The following TAF1B variants were observed in gnomAD, a reference collection of about 807,000 sequenced individuals.
TAF1B encodes the protein TATA box-binding protein-associated factor RNA polymerase I subunit B.
Under a neutral mutation model 83.9 loss-of-function variants are expected in TAF1B, and 61 were observed. The ratio of observed to expected loss-of-function variants is 0.73; its 90% CI spans 0.59 to 0.90. TAF1B has a LOEUF of 0.90. Ranked by LOEUF, TAF1B falls within the 40% of genes least tolerant of loss-of-function variation. The pLI is 0.00. For synonymous variants in TAF1B, 221 were observed against 224.6 expected, an observed-to-expected ratio of 0.98 and a Z score of 0.14; for missense variants, 625 against 677.0, an observed-to-expected ratio of 0.92 and a Z score of 0.85.
chr2:9,863,708 C>T (rs1663858754), intron 5 of TAF1B, among the ~76,000 whole-genome samples: 2 of 152,198 alleles, frequency 1.3e-5, no homozygotes, highest in Admixed American at 6.5e-5. Flanking sequence ...TAAAGCACTC[C>T]TTAGCAAATG....
intron 6 of TAF1B, chr2:9,868,876 A>G (rs554697250): frequency 7.9e-4 from 271 of 344,204 alleles, no homozygotes; most frequent in Non-Finnish European, 1.2e-3. Context: ...TTACTTTCTG[A>G]TATAATTCCA....
At chr2:9,851,690 C>A in intron 4 of TAF1B, 52 bp downstream of exon 4, 1 of 1,416,594 alleles carries the variant, frequency 7.1e-7, no homozygotes, top group Admixed American at 1.9e-5. Context: ...GTTTAAAGAA[C>A]AGTAAGACTT....
At chr2:9,850,753 C>T (rs1663359192) in intron 3 of TAF1B, among the ~76,000 whole-genome samples, 1 of 152,156 alleles carries the variant, frequency 6.6e-6, no homozygotes, top group African/African-American at 2.4e-5. Context: ...CAGACTTTTC[C>T]TTCAGCTCGT....
intron 14 of TAF1B, among the ~76,000 whole-genome samples, chr2:9,927,645 G>A (rs1193739874): frequency 6.6e-6 from 1 of 152,188 alleles, no homozygotes; most frequent in Non-Finnish European, 1.5e-5. Flanking sequence ...TTTTTCATGT[G>A]TCTGTTGGCT....
chr2:9,900,643 T>C (rs893908469), intron 8 of TAF1B, among the ~76,000 whole-genome samples: 1 of 152,084 alleles, frequency 6.6e-6, no homozygotes. Flanking sequence ...GGGTCTGGGG[T>C]AGAGTTGTTA....
At chr2:9,862,727 C>G (rs958644177) in intron 5 of TAF1B, among the ~76,000 whole-genome samples, 6 of 152,224 alleles carry the variant, frequency 3.9e-5, no homozygotes, top group Non-Finnish European at 7.3e-5. Context: ...GGAAGCCCAT[C>G]AGACTAATAG....
At chr2:9,867,484 T>G (rs1193079889) in intron 5 of TAF1B, among the ~76,000 whole-genome samples, 1 of 152,196 alleles carries the variant, frequency 6.6e-6, no homozygotes, top group Non-Finnish European at 1.5e-5. Flanking sequence ...GGTTTTTGTT[T>G]GTTTTTTTGT....
At chr2:9,902,156 C>T (rs1479816744) in intron 8 of TAF1B, among the ~76,000 whole-genome samples, 3 of 151,388 alleles carry the variant, frequency 2.0e-5, no homozygotes, top group Non-Finnish European at 2.9e-5. Context: ...AAGCATATAC[C>T]CCTGTACCAT....
At chr2:9,866,378 A>G (rs1404672021) in intron 5 of TAF1B, among the ~76,000 whole-genome samples, 1 of 152,100 alleles carries the variant, frequency 6.6e-6, no homozygotes, top group African/African-American at 2.4e-5. Flanking sequence ...AATCAAAACC[A>G]CATTGAGATA....
At chr2:9,921,529 TAA>T (rs1347724425) in intron 14 of TAF1B, among the ~76,000 whole-genome samples, 1 of 152,220 alleles carries the variant, frequency 6.6e-6, no homozygotes. Flanking sequence ...TTGATAAAAA[TAA>T]GTCATTATCC....
chr2:9,912,554 T>C (rs1665564186), intron 11 of TAF1B, among the ~76,000 whole-genome samples: 1 of 152,214 alleles, frequency 6.6e-6, no homozygotes, highest in Admixed American at 6.5e-5. Context: ...TCCCCTCTAA[T>C]GCTAAAAGAT....
chr2:9,864,789 A>G (rs288000), intron 5 of TAF1B, among the ~76,000 whole-genome samples: 141,673 of 151,342 alleles, frequency 0.94, 66,935 homozygotes, highest in East Asian at 1. Flanking sequence ...TTCAACATAC[A>G]AAAATCAATA....
Position 9,914,754 on chromosome 2 carries a change from C to A in TAF1B, c.1271+1505C>A, listed in dbSNP as rs550055022. Among the ~76,000 whole-genome samples, 2 of 152,250 alleles carry A rather than the reference C, an allele frequency of 1.3e-5. No homozygotes were observed. Among genetic ancestry groups the A allele is most frequent in the East Asian group, 3.9e-4 (2 of 5,184 alleles). On this transcript the variant is annotated intron_variant, in intron 12 of 14. Coordinates refer to ENST00000263663, the MANE Select transcript of TAF1B (RefSeq NM_005680.3). The surrounding 1 kb of genome is among the most constrained non-coding windows in gnomAD (Gnocchi z 4.3). ...CAAGGTGGAGGCTGTCGAGGGGACC[C>A]GTTTCCAAGGTCCTTCTTCCTAGAG...
rs147137289 is a variant in TAF1B at position 9,868,041 on chromosome 2, G to C, written c.400-235G>C. The stretch of plus-strand genomic sequence containing the variant: ...AGATGTTCATGGAAGAAGGAGACCT[G>C]ATGGCAGGGCTGGCAGCCGGTTTCC... On this transcript the variant is annotated intron_variant, in intron 5 of 14. Transcript: ENST00000263663. 3.3e-5 allele frequency among the ~76,000 whole-genome samples: 5 copies of C among 152,326 alleles called. No individual in the cohort carries two copies. The East Asian group carries it at 9.6e-4, about 29-fold the overall frequency.
At chr2:9,878,605 T>C (rs1664395692) in intron 7 of TAF1B, among the ~76,000 whole-genome samples, 1 of 152,188 alleles carries the variant, frequency 6.6e-6, no homozygotes, top group Non-Finnish European at 1.5e-5. Flanking sequence ...GGACCCTGCC[T>C]ACCTAGCAAT....
rs368500459 is a variant in TAF1B, at chr2:9,849,453, C to T, written c.198C>T (p.Asn66=). The change falls in exon 3 of 15, where the codon AAC becomes AAT. Residue 66 remains asparagine (N), a synonymous_variant. Transcript: ENST00000263663. ...TCAACCGGGGGCTTAAAAAAAAAAA[C>T]AATACTGGTAAGTTCTTTCTTCATA... ...KALNRGLKKK[N]NTEKGWDWYV... is the part of the protein sequence containing the mutation. The T allele has an allele frequency of 6.6e-7, 1 of 1,504,924 alleles. No homozygotes were observed. Among genetic ancestry groups the T allele is most frequent in the Non-Finnish European group, 9.0e-7 (1 of 1,112,142 alleles). The allele number at this position is 1,504,924 out of a possible 1,614,324, so 93.2% of individuals were successfully genotyped here. A position where few individuals can be genotyped will look rare whatever the true frequency, so the allele number is the denominator to read the frequency against.
Position 9,916,837 on chromosome 2 carries a change from C to CTTTTTTTTTTTTTTTTTTTTTTTTTT in TAF1B, c.1272-2186_1272-2185insTTTTTTTTTTTTTTTTTTTTTTTTTT, listed in dbSNP as rs371475463. Reference sequence around the variant, plus strand: ...TGATTAGAAAAATTTCCTTTCTGTTCTTTTTTTTTTTTTTTTTTGAGATGG... The same window carrying CTTTTTTTTTTTTTTTTTTTTTTTTTT: ...TGATTAGAAAAATTTCCTTTCTGTTCTTTTTTTTTTTTTTTTTTTTTTTTTTTTTTTTTTTTTTTTTTTTGAGATGG... On this transcript the variant is annotated intron_variant, in intron 12 of 14. Transcript: ENST00000263663. Among the ~76,000 whole-genome samples the CTTTTTTTTTTTTTTTTTTTTTTTTTT allele has an allele frequency of 4.2e-5, 4 of 95,736 alleles. 1 individual carries two copies. Among genetic ancestry groups the CTTTTTTTTTTTTTTTTTTTTTTTTTT allele is most frequent in the East Asian group, 2.8e-4 (1 of 3,554 alleles). 62.8% of individuals were successfully genotyped at this position (95,736 alleles called of 152,430 possible). A position where few individuals can be genotyped will look rare whatever the true frequency, so the allele number is the denominator to read the frequency against.
At chr2:9,871,702 G>C (rs1024007305) in intron 6 of TAF1B, among the ~76,000 whole-genome samples, 2 of 152,092 alleles carry the variant, frequency 1.3e-5, no homozygotes, top group African/African-American at 4.8e-5. Flanking sequence ...TATTTTCTCA[G>C]TGAACCCCAG....
Position 9,905,815 on chromosome 2 carries a change from A to G in TAF1B, c.955+809A>G, listed in dbSNP as rs79952654. 2.4e-4 allele frequency among the ~76,000 whole-genome samples: 36 copies of G among 147,952 alleles called. No homozygotes were observed. The East Asian group carries it at 7.4e-3, about 31-fold the overall frequency. On this transcript the variant is annotated intron_variant, in intron 9 of 14. Transcript: ENST00000263663. Reference sequence around the variant, plus strand: ...ATGTATAGTAACTATAAATGTGACTATAAATATGTAGTAACATATATAAAT... The same window carrying G: ...ATGTATAGTAACTATAAATGTGACTGTAAATATGTAGTAACATATATAAAT...
Sources: allele counts gnomAD v4.1 joint callset (sites outside exome capture counted in the v4.1 genomes callset), GRCh38; gene constraint gnomAD v4.1.1; non-coding constraint Gnocchi (gnomAD v3.1); transcripts MANE v1.5; gene names NCBI Gene and HGNC (gene_info 2026-07-23, HGNC 2026-07-21).